The following PPFIBP2 variants were observed in gnomAD, a reference collection of about 807,000 sequenced individuals.
The protein encoded by PPFIBP2 is liprin-beta-2.
A neutral mutation model predicts 118.3 loss-of-function variants in PPFIBP2; 118 were observed. The observed-to-expected ratio is 1.00, with a 90% CI of 0.86 to 1.16. The LOEUF (loss-of-function observed/expected upper bound fraction) is 1.16. Among genes scored for constraint, PPFIBP2 ranks in the 50% most tolerant of loss-of-function variants. The probability of loss-of-function intolerance (pLI) is 0.00; values close to 1 mark genes in which losing one functional copy is unlikely to be tolerated. For synonymous variants in PPFIBP2, 414 were observed against 397.4 expected, an observed-to-expected ratio of 1.04 and a Z score of -0.50; for missense variants, 1,195 against 1,073.1, an observed-to-expected ratio of 1.11 and a Z score of -1.59.
intron 3 of PPFIBP2, among the ~76,000 whole-genome samples, chr11:7,591,122 A>G (rs112840180): frequency 0.012 from 1,825 of 152,032 alleles, 47 homozygotes; most frequent in African/African-American, 0.042. Context: ...TTTTTTGTCA[A>G]CTAGTAAAAA....
At chr11:7,642,988 C>CT (rs1792642108) in intron 17 of PPFIBP2, among the ~76,000 whole-genome samples, 1 of 152,172 alleles carries the variant, frequency 6.6e-6, no homozygotes, top group Non-Finnish European at 1.5e-5. Context: ...GACCTGGGAC[C>CT]TTTCCAGATC....
At chr11:7,665,651 G>T in the PPFIBP2 span, 6 of 1,290,524 alleles carry the variant, frequency 4.6e-6, no homozygotes, top group Non-Finnish European at 5.3e-6. Flanking sequence ...GTGACAAGCT[G>T]CTCTACAAAG....
At chr11:7,611,262 T>C (rs1848041272) in intron 6 of PPFIBP2, among the ~76,000 whole-genome samples, 1 of 152,248 alleles carries the variant, frequency 6.6e-6, no homozygotes, top group Middle Eastern at 3.2e-3. Context: ...AACTGTGTGG[T>C]AAAGTCCAAA....
At chr11:7,519,504 T>C (rs1849543900) in intron 1 of PPFIBP2, among the ~76,000 whole-genome samples, 1 of 152,236 alleles carries the variant, frequency 6.6e-6, no homozygotes, top group Non-Finnish European at 1.5e-5. Context: ...TTATCTAATT[T>C]GTACTGTGGC....
At position 7,653,549 on chromosome 11, in the gene PPFIBP2, C is replaced by G; in HGVS notation, c.*331C>G. ...TCGATGCAGGTCCAGAGACCATGGACACTCCCACGAGGCTCAGCTCTCAGG... is the reference window on the plus strand; with the variant it reads ...TCGATGCAGGTCCAGAGACCATGGAGACTCCCACGAGGCTCAGCTCTCAGG... On this transcript the variant is annotated 3_prime_UTR_variant, in exon 24 of 24. Transcript: ENST00000299492. 3 of 1,320,658 alleles carry G rather than the reference C, an allele frequency of 2.3e-6. No homozygotes were observed. The highest frequency in any genetic ancestry group is 3.0e-5 in the African/African-American group (2 of 67,246). The allele number at this position is 1,320,658 out of a possible 1,614,324, so 81.8% of individuals were successfully genotyped here.
Position 7,648,909 on chromosome 11 carries a change from C to A in PPFIBP2, c.1907C>A (p.Thr636Lys). 3 of 1,611,634 alleles carry A rather than the reference C, an allele frequency of 1.9e-6. No homozygotes were observed. The highest frequency in any genetic ancestry group is 2.5e-6 in the Non-Finnish European group (3 of 1,177,842). Residue 636 changes from threonine (T) to lysine (K), a missense_variant and splice_region_variant, in exon 19 of 24, where the codon ACA becomes AAA. Physicochemically the swap from Thr to Lys is moderately conservative, Grantham distance 78. Transcript: ENST00000299492. ...GCACTGCTAGACCACATTTGGGTGA[C>A]AAGTAAGGATAGGCATATATGTATT... The part of the protein sequence containing the change: ...KSALLDHIWV[T>K]RWLDDIGLPQ...
At chr11:7,665,651 G>A in the PPFIBP2 span, 35 of 1,290,526 alleles carry the variant, frequency 2.7e-5, no homozygotes, top group East Asian at 8.0e-4. Context: ...GTGACAAGCT[G>A]CTCTACAAAG....
intron 3 of PPFIBP2, among the ~76,000 whole-genome samples, chr11:7,566,127 C>T (rs900560137): frequency 7.9e-5 from 12 of 152,112 alleles, no homozygotes; most frequent in African/African-American, 1.9e-4. Flanking sequence ...GGCTAGATCC[C>T]ACTACCCCTT....
downstream of PPFIBP2, among the ~76,000 whole-genome samples, chr11:7,658,148 A>AT (rs113285986): frequency 2.2e-3 from 331 of 150,116 alleles, 6 homozygotes; most frequent in South Asian, 0.022. Context: ...GCATGTTGTC[A>AT]TTTTTTTTTT....
chr11:7,555,502 T>C (rs746430247), intron 2 of PPFIBP2, among the ~76,000 whole-genome samples: 4 of 152,212 alleles, frequency 2.6e-5, no homozygotes, highest in African/African-American at 7.2e-5. Flanking sequence ...CTCTGAACAG[T>C]CCTTGACTGA....
rs149061510 is a variant in PPFIBP2 at position 7,590,523 on chromosome 11, T to A, written c.280-2609T>A. On this transcript the variant is annotated intron_variant, in intron 3 of 23. Coordinates refer to ENST00000299492, the MANE Select transcript of PPFIBP2 (RefSeq NM_003621.5). ...AGGAAAGGAGTTGGCTCCTCGAATCTGTTATAGGAGGGGCAAATATGAGGA... is the reference window on the plus strand; with the variant it reads ...AGGAAAGGAGTTGGCTCCTCGAATCAGTTATAGGAGGGGCAAATATGAGGA... Among the ~76,000 whole-genome samples, 14 of 152,316 alleles carry A rather than the reference T, an allele frequency of 9.2e-5. No homozygotes were observed. In the East Asian group the frequency reaches 2.1e-3, roughly 23 times the overall value.
intron 3 of PPFIBP2, among the ~76,000 whole-genome samples, chr11:7,588,260 A>T (rs1324225535): frequency 6.6e-6 from 1 of 152,116 alleles, no homozygotes; most frequent in East Asian, 1.9e-4. Flanking sequence ...ACTGCCCCTT[A>T]TGTGGGGACT....
chr11:7,537,053 T>C (rs1851293504), intron 1 of PPFIBP2, among the ~76,000 whole-genome samples: 2 of 152,058 alleles, frequency 1.3e-5, no homozygotes, highest in African/African-American at 4.8e-5. Flanking sequence ...GAAGGATCCT[T>C]CCTTCAGGTC....
At chr11:7,559,231 C>A (rs1229715633) in intron 2 of PPFIBP2, among the ~76,000 whole-genome samples, 1 of 152,140 alleles carries the variant, frequency 6.6e-6, no homozygotes, top group Non-Finnish European at 1.5e-5. Flanking sequence ...GCAAATCTTG[C>A]CTTATATTTA....
chr11:7,590,528 T>C (rs1268895485), intron 3 of PPFIBP2, among the ~76,000 whole-genome samples: 1 of 152,298 alleles, frequency 6.6e-6, no homozygotes, highest in East Asian at 1.9e-4. Context: ...GAATCTGTTA[T>C]AGGAGGGGCA....
At chr11:7,531,067 C>G (rs911844401) in intron 1 of PPFIBP2, among the ~76,000 whole-genome samples, 6 of 152,160 alleles carry the variant, frequency 3.9e-5, no homozygotes, top group African/African-American at 1.4e-4. Flanking sequence ...AGCAAAACCA[C>G]TTGGGCCTGC....
intron 5 of PPFIBP2, among the ~76,000 whole-genome samples, chr11:7,601,669 T>G (rs12290692): frequency 0.14 from 21,620 of 151,888 alleles, 3,044 homozygotes; most frequent in African/African-American, 0.36. Context: ...TTAAGAAGAG[T>G]TATTTCTCGG....
intron 5 of PPFIBP2, among the ~76,000 whole-genome samples, chr11:7,600,090 A>G (rs1861157334): frequency 6.6e-6 from 1 of 152,064 alleles, no homozygotes; most frequent in African/African-American, 2.4e-5. Flanking sequence ...CTGAGTTTCA[A>G]AGATTCCTGA....
intron 3 of PPFIBP2, among the ~76,000 whole-genome samples, chr11:7,578,528 C>T (rs1375988770): frequency 6.6e-6 from 1 of 152,172 alleles, no homozygotes; most frequent in Non-Finnish European, 1.5e-5. Flanking sequence ...ACTCATTCAG[C>T]AAATCTGTAC....
Sources: gnomAD v4.1 joint callset for allele counts (sites outside exome capture counted in the v4.1 genomes callset) on GRCh38, gnomAD v4.1.1 for gene constraint, MANE v1.5 for transcripts, NCBI Gene and HGNC (gene_info 2026-07-23, HGNC 2026-07-21) for gene names.